The following PER3 variants were observed in gnomAD, a reference collection of about 807,000 sequenced individuals.
PER3 encodes the protein period circadian regulator 3.
A neutral mutation model predicts 127.2 loss-of-function variants in PER3; 107 were observed. That is an observed-to-expected ratio of 0.84 (90% confidence interval 0.72 to 0.99). The LOEUF is 0.99. Among genes scored for constraint, PER3 ranks in the 50% least tolerant of loss-of-function variants. PER3 has a pLI of 0.00. For synonymous variants in PER3, 618 were observed against 585.8 expected (o/e 1.05, Z -0.79); for missense variants, 1,560 against 1,525.8 (o/e 1.02, Z -0.37).
At position 7,786,811 on chromosome 1, in the gene PER3, C is replaced by T. The variant is rs767477590; in HGVS notation, c.365C>T (p.Ala122Val). 6.2e-7 allele frequency: 1 copy of T among 1,603,186 alleles called. No individual in the cohort carries two copies. The highest frequency in any genetic ancestry group is 8.5e-7 in the Non-Finnish European group (1 of 1,170,012). ...AGTCTTGAGGAGCTGGCCACTATCG[C>T]TTCAGAACACACTTCCAAAAACACA... ...MYSLEELATI[A>V]SEHTSKNTDT... is the part of the protein sequence containing the mutation. Residue 122 changes from alanine (A) to valine (V), a missense_variant, in exon 4 of 22, where the codon GCT becomes GTT. Coordinates refer to ENST00000377532, the MANE Select transcript of PER3 (RefSeq NM_001377275.1).
intron 16 of PER3, among the ~76,000 whole-genome samples, chr1:7,824,081 G>A (rs1009756212): frequency 2.6e-5 from 4 of 152,130 alleles, no homozygotes; most frequent in Admixed American, 6.5e-5. Flanking sequence ...TTTCCAAATC[G>A]ATACTGAAAG....
intron 3 of PER3, among the ~76,000 whole-genome samples, chr1:7,786,243 A>C (rs1399018708): frequency 2.0e-5 from 3 of 152,234 alleles, no homozygotes; most frequent in African/African-American, 7.2e-5. Flanking sequence ...TGACAGAGCG[A>C]GACTCTGTCT....
intron 13 of PER3, 182 bp downstream of exon 13, chr1:7,810,770 C>G: frequency 4.2e-6 from 2 of 481,252 alleles, no homozygotes; most frequent in Non-Finnish European, 7.3e-6. Context: ...GCAACAAATA[C>G]TGTTCTGAAA....
rs915834038 is a variant in PER3 at position 7,843,467 on chromosome 1, A to C, written c.*712A>C. The stretch of plus-strand genomic sequence containing the variant: ...CTTGTAAGTTTCAGTTAGCATTTGC[A>C]TGTGTAATATTAAAATGAAAGAGCT... On this transcript the variant is annotated 3_prime_UTR_variant, in exon 22 of 22. Coordinates refer to ENST00000377532, the MANE Select transcript of PER3 (RefSeq NM_001377275.1). 1 of 152,368 alleles carries C rather than the reference A, an allele frequency of 6.6e-6. No individual in the cohort carries two copies. The highest frequency in any genetic ancestry group is 6.5e-5 in the Admixed American group (1 of 15,276). 9.4% of individuals were successfully genotyped at this position (152,368 alleles called of 1,614,324 possible).
chr1:7,785,427 T>G lies in PER3; in HGVS notation c.129-14T>G. ...CTTCAGAGGATGAAGTTGTAATTTT[T>G]TTTTATCTTCCAGTGAACAGCAAGA... On this transcript the variant is annotated splice_polypyrimidine_tract_variant and intron_variant, in intron 2 of 21. Coordinates refer to ENST00000377532, the MANE Select transcript of PER3 (RefSeq NM_001377275.1). 1 of 1,606,252 alleles carries G rather than the reference T, an allele frequency of 6.2e-7. No homozygotes were observed. The highest frequency in any genetic ancestry group is 8.5e-7 in the Non-Finnish European group (1 of 1,174,018).
chr1:7,832,986 T>C (rs1472544845), intron 19 of PER3, among the ~76,000 whole-genome samples: 1 of 152,166 alleles, frequency 6.6e-6, no homozygotes, highest in Non-Finnish European at 1.5e-5. Flanking sequence ...TGCAGGCATA[T>C]GCCAGTGTAC....
Position 7,827,178 on chromosome 1 carries a change from A to G in PER3, c.2249A>G (p.Lys750Arg). Residue 750 changes from lysine (K) to arginine (R), a missense_variant, in exon 18 of 22, where the codon AAG becomes AGG. Physicochemically the swap from Lys to Arg is conservative, Grantham distance 26. Coordinates refer to ENST00000377532, the MANE Select transcript of PER3 (RefSeq NM_001377275.1). ...AGCRKGKHKR[K>R]KLPEPPDSSS... ...TGCAGGAAAGGGAAGCACAAGCGGA[A>G]GAAGCTGCCGGAGCCGCCAGACAGC... The G allele has an allele frequency of 1.2e-6, 2 of 1,612,798 alleles. No individual in the cohort carries two copies. Among genetic ancestry groups the G allele is most frequent in the Non-Finnish European group, 1.7e-6 (2 of 1,179,606 alleles).
chr1:7,837,416 G>T (rs1327829901), intron 21 of PER3, among the ~76,000 whole-genome samples: 1 of 152,158 alleles, frequency 6.6e-6, no homozygotes, highest in Non-Finnish European at 1.5e-5. Flanking sequence ...CAGTTGGAAT[G>T]TTAGGGTACG....
intron 13 of PER3, among the ~76,000 whole-genome samples, chr1:7,814,173 G>T (rs2097235424): frequency 6.6e-6 from 1 of 152,156 alleles, no homozygotes; most frequent in Non-Finnish European, 1.5e-5. Flanking sequence ...GCCTCAAACT[G>T]TCCAACATAG....
rs2097093733 is a variant in PER3, at chr1:7,786,863, C to A, written c.390+27C>A. 6.7e-6 allele frequency: 9 copies of A among 1,348,522 alleles called. 2 individuals carry two copies. The Middle Eastern group carries it at 9.0e-4, about 135-fold the overall frequency. 83.5% of individuals were successfully genotyped at this position (1,348,522 alleles called of 1,614,324 possible). On this transcript the variant is annotated intron_variant, in intron 4 of 21. Transcript: ENST00000377532. ...TAAGAATTCATGCATTTTGCCATATCAACCTGGGTGACTTTTCCTAAGGGC... is the reference window on the plus strand; with the variant it reads ...TAAGAATTCATGCATTTTGCCATATAAACCTGGGTGACTTTTCCTAAGGGC...
intron 10 of PER3, among the ~76,000 whole-genome samples, chr1:7,804,551 C>T (rs898945833): frequency 6.6e-6 from 1 of 151,840 alleles, no homozygotes; most frequent in Admixed American, 6.6e-5. Context: ...CAGGTGCCTG[C>T]CAACACATTC....
chr1:7,814,226 T>C (rs1217427818), intron 13 of PER3, among the ~76,000 whole-genome samples: 1 of 151,790 alleles, frequency 6.6e-6, no homozygotes, highest in Non-Finnish European at 1.5e-5. Flanking sequence ...GAAATAACAG[T>C]CAGGAATTTT....
At position 7,820,155 on chromosome 1, in the gene PER3, T is replaced by C. The variant is rs1164209894; in HGVS notation, c.1699T>C (p.Cys567Arg). Residue 567 changes from cysteine to arginine, a missense_variant, in exon 15 of 22, where the codon TGT (cysteine) becomes CGT (arginine). This residue lies in a region of PER3 where 1,332 missense variants were observed against 1,223.6 expected (regional missense o/e 1.09). Transcript: ENST00000377532. ...CAACATTCCAGCTTTGAAAAGAAAG[T>C]GTATCTCCTGTACAAATACAACTTC... ...SYNIPALKRK[C>R]ISCTNTTSSS... is the part of the protein sequence containing the mutation. 1 of 1,613,342 alleles carries C rather than the reference T, an allele frequency of 6.2e-7. No individual in the cohort carries two copies. The highest frequency in any genetic ancestry group is 1.1e-5 in the South Asian group (1 of 91,056).
At chr1:7,798,019 A>G (rs993772617) in intron 6 of PER3, among the ~76,000 whole-genome samples, 1 of 152,188 alleles carries the variant, frequency 6.6e-6, no homozygotes, top group African/African-American at 2.4e-5. Flanking sequence ...CCTCAGCCAG[A>G]TGCCTTTATA....
At chr1:7,841,717 G>A (rs1452959735) in intron 21 of PER3, among the ~76,000 whole-genome samples, 2 of 152,160 alleles carry the variant, frequency 1.3e-5, no homozygotes, top group Non-Finnish European at 2.9e-5. Flanking sequence ...TCAAAGAAAA[G>A]AATGAGTGTC....
chr1:7,842,761 T>A lies in PER3; in HGVS notation c.*6T>A. The A allele has an allele frequency of 6.2e-7, 1 of 1,611,282 alleles. No homozygotes were observed. Among genetic ancestry groups the A allele is most frequent in the Non-Finnish European group, 8.5e-7 (1 of 1,177,942 alleles). On this transcript the variant is annotated 3_prime_UTR_variant, in exon 22 of 22. Coordinates refer to ENST00000377532, the MANE Select transcript of PER3 (RefSeq NM_001377275.1). ...TGGTAGAAGACAGCTGTTGAGTGAC[T>A]GTGAGGATGAACCTTCATACCCTTT...
chr1:7,842,500 A>C lies in PER3; in HGVS notation c.3550-172A>C, dbSNP rs1242136616. On this transcript the variant is annotated intron_variant, in intron 21 of 21. Transcript: ENST00000377532. Reference sequence around the variant, plus strand: ...GGGTGACACCGCAAGACTCTGTCTCAAAAAAAAAAATAAAAATAGTTATAA... The same window carrying C: ...GGGTGACACCGCAAGACTCTGTCTCCAAAAAAAAAATAAAAATAGTTATAA... The C allele has an allele frequency of 1.7e-5, 5 of 291,266 alleles. No homozygotes were observed. In the Admixed American group the frequency reaches 3.1e-4, roughly 18 times the overall value. The allele number at this position is 291,266 out of a possible 1,614,324, so 18.0% of individuals were successfully genotyped here.
At chr1:7,810,717 C>T in intron 13 of PER3, 129 bp downstream of exon 13, 4 of 796,712 alleles carry the variant, frequency 5.0e-6, no homozygotes, top group Non-Finnish European at 7.7e-6. Flanking sequence ...CTTGATTTGC[C>T]TAGATAGCAA....
intron 13 of PER3, among the ~76,000 whole-genome samples, chr1:7,811,804 G>A (rs1214515095): frequency 2.6e-5 from 4 of 152,104 alleles, no homozygotes; most frequent in Non-Finnish European, 4.4e-5. Context: ...TCAAACCATA[G>A]TAGAGCCCAT....
Sources: allele counts gnomAD v4.1 joint callset (sites outside exome capture counted in the v4.1 genomes callset), GRCh38; gene constraint gnomAD v4.1.1; regional missense constraint gnomAD v4.1.1; transcripts MANE v1.5; gene names NCBI Gene and HGNC (gene_info 2026-07-23, HGNC 2026-07-21).